Variants in PPP3CA observed in about 807,000 individuals in gnomAD.
The protein encoded by PPP3CA is protein phosphatase 3 catalytic subunit alpha.
PPP3CA carries 14 observed loss-of-function variants against 66.5 expected under a neutral mutation model. The observed-to-expected ratio is 0.21, with a 90% confidence interval of 0.14 to 0.33. The LOEUF (loss-of-function observed/expected upper bound fraction) is 0.33. PPP3CA is among the 10% of genes least tolerant of loss of function. The probability of loss-of-function intolerance (pLI) is 1.00; values close to 1 mark genes in which losing one functional copy is unlikely to be tolerated. For synonymous variants in PPP3CA, 232 were observed against 226.2 expected (o/e 1.03, Z -0.23); for missense variants, 317 against 639.5 (o/e 0.50, Z 5.44).
chr4:101,107,799 G>T (rs965796599), intron 3 of PPP3CA, among the ~76,000 whole-genome samples: 12 of 152,056 alleles, frequency 7.9e-5, no homozygotes, highest in Admixed American at 2.0e-4. Flanking sequence ...AATATAGAAT[G>T]TTTTTCTATG....
intron 3 of PPP3CA, among the ~76,000 whole-genome samples, chr4:101,105,057 A>C (rs552301258): frequency 2.0e-5 from 3 of 152,194 alleles, no homozygotes; most frequent in Non-Finnish European, 2.9e-5. Flanking sequence ...TACTAAACAA[A>C]ACATAGCAAA....
chr4:101,066,699 A>G (rs1195631162), intron 8 of PPP3CA, among the ~76,000 whole-genome samples: 4 of 152,050 alleles, frequency 2.6e-5, no homozygotes, highest in African/African-American at 9.7e-5. Flanking sequence ...AAAAAAAACT[A>G]AAACAGTCCA....
At chr4:101,325,060 A>T (rs1729169784) in intron 1 of PPP3CA, among the ~76,000 whole-genome samples, 1 of 152,186 alleles carries the variant, frequency 6.6e-6, no homozygotes, top group Non-Finnish European at 1.5e-5. Flanking sequence ...TAGAGAATCT[A>T]ATTTTTTTTA....
At chr4:101,286,113 T>A (rs932956105) in intron 1 of PPP3CA, among the ~76,000 whole-genome samples, 2 of 152,172 alleles carry the variant, frequency 1.3e-5, no homozygotes, top group Non-Finnish European at 2.9e-5. Context: ...GCATCCAACT[T>A]AGATCCTCAT....
chr4:101,141,351 A>C (rs2659550), intron 2 of PPP3CA, among the ~76,000 whole-genome samples: 84,210 of 151,870 alleles, frequency 0.55, 25,942 homozygotes, highest in African/African-American at 0.82. Context: ...ACTTGGGCAA[A>C]AGAGAGAGAC....
intron 6 of PPP3CA, among the ~76,000 whole-genome samples, chr4:101,091,821 CTAA>C (rs34522517): frequency 0.21 from 29,301 of 138,586 alleles, 3,401 homozygotes; most frequent in African/African-American, 0.34. Flanking sequence ...TCTTCAGTAT[CTAA>C]TAATAATAAT....
intron 1 of PPP3CA, among the ~76,000 whole-genome samples, chr4:101,316,291 T>C (rs957232621): frequency 2.6e-5 from 4 of 151,298 alleles, no homozygotes; most frequent in South Asian, 2.1e-4. Context: ...ATTCATAATA[T>C]AATCAAATTT....
chr4:101,322,569 C>T (rs1400392159), intron 1 of PPP3CA, among the ~76,000 whole-genome samples: 1 of 151,910 alleles, frequency 6.6e-6, no homozygotes, highest in Non-Finnish European at 1.5e-5. Flanking sequence ...CACTAAACAC[C>T]CGGCTAATTT....
intron 1 of PPP3CA, among the ~76,000 whole-genome samples, chr4:101,259,263 A>T (rs1184506707): frequency 6.6e-6 from 1 of 152,156 alleles, no homozygotes; most frequent in Non-Finnish European, 1.5e-5. Context: ...CCCAGCGGAT[A>T]GGAATCTTAC....
chr4:101,276,524 T>C (rs1237162371), intron 1 of PPP3CA, among the ~76,000 whole-genome samples: 1 of 152,224 alleles, frequency 6.6e-6, no homozygotes, highest in East Asian at 1.9e-4. Flanking sequence ...TTGTTTTCCA[T>C]TTTTCCTCAC....
chr4:101,294,335 C>G (rs1728124937), intron 1 of PPP3CA, among the ~76,000 whole-genome samples: 3 of 152,216 alleles, frequency 2.0e-5, no homozygotes, highest in Non-Finnish European at 2.9e-5. Flanking sequence ...TTCTGAAGCA[C>G]TGATGCTCAT....
intron 1 of PPP3CA, among the ~76,000 whole-genome samples, chr4:101,310,897 T>C (rs1728700538): frequency 6.6e-6 from 1 of 152,062 alleles, no homozygotes. Flanking sequence ...AGCAAACAAC[T>C]TCAAAGTCAT....
At chr4:101,109,102 A>G (rs1721553562) in intron 2 of PPP3CA, 24 bp from the exon 3 acceptor site, 2 of 1,607,636 alleles carry the variant, frequency 1.2e-6, no homozygotes, top group African/African-American at 1.3e-5. Context: ...AATTCATTTT[A>G]TGGTCATATT....
intron 2 of PPP3CA, among the ~76,000 whole-genome samples, chr4:101,125,920 T>C (rs1578473023): frequency 6.6e-6 from 1 of 152,232 alleles, no homozygotes; most frequent in Non-Finnish European, 1.5e-5. Context: ...CTCATCACTT[T>C]CTTCTCACTT....
intron 2 of PPP3CA, 124 bp downstream of exon 2, chr4:101,195,792 T>C: frequency 1.4e-6 from 1 of 733,306 alleles, no homozygotes; most frequent in Non-Finnish European, 2.2e-6. Context: ...ATGTATAGAT[T>C]CAACAGTAAA....
intron 2 of PPP3CA, among the ~76,000 whole-genome samples, chr4:101,161,519 G>GTAAGC (rs1723506313): frequency 1.3e-5 from 2 of 152,152 alleles, no homozygotes; most frequent in Non-Finnish European, 2.9e-5. Flanking sequence ...GAAGTTGGCA[G>GTAAGC]TAAGCTGTCT....
At chr4:101,278,149 T>TAAAAAAAAAAAAAAAAAAAAAAAAAAA (rs1200528599) in intron 1 of PPP3CA, among the ~76,000 whole-genome samples, 11 of 119,514 alleles carry the variant, frequency 9.2e-5, no homozygotes, top group African/African-American at 4.2e-4. Context: ...ATAAAAAAAT[T>TAAAAAAAAAAAAAAAAAAAAAAAAAAA]AAAAAGTTAT....
At chr4:101,229,804 G>A (rs926018909) in intron 1 of PPP3CA, among the ~76,000 whole-genome samples, 5 of 151,540 alleles carry the variant, frequency 3.3e-5, no homozygotes, top group African/African-American at 1.2e-4. Context: ...TAGAAAAGGA[G>A]GAAATCAAAA....
intron 8 of PPP3CA, among the ~76,000 whole-genome samples, chr4:101,078,936 T>C (rs1729304788): frequency 6.6e-6 from 1 of 152,220 alleles, no homozygotes; most frequent in African/African-American, 2.4e-5. Context: ...GCACTTCTTT[T>C]CTAGGAACTG....
Sources: allele counts gnomAD v4.1 joint callset (sites outside exome capture counted in the v4.1 genomes callset), GRCh38; gene constraint gnomAD v4.1.1; transcripts MANE v1.5; gene names NCBI Gene and HGNC (gene_info 2026-07-23, HGNC 2026-07-21).